Variants in MLLT10 observed in about 807,000 individuals in gnomAD.
MLLT10 encodes MLLT10 histone lysine methyltransferase DOT1L cofactor.
In MLLT10, 30 loss-of-function variants were observed where a neutral mutation model predicts 129.1. That is an observed-to-expected ratio of 0.23 (90% confidence interval 0.17 to 0.32). The LOEUF (loss-of-function observed/expected upper bound fraction) is 0.32. MLLT10 is among the 10% of genes least tolerant of loss of function. The pLI is 1.00. For synonymous variants in MLLT10, 490 were observed against 446.4 expected, an observed-to-expected ratio of 1.10 and a Z score of -1.23; for missense variants, 1,119 against 1,268.3, an observed-to-expected ratio of 0.88 and a Z score of 1.79.
At position 21,734,022 on chromosome 10, in the gene MLLT10, TG is replaced by T; in HGVS notation, c.2755del (p.Val919LeufsTer32). On this transcript the variant is annotated frameshift_variant, in exon 20 of 23. Coordinates refer to ENST00000307729, the MANE Select transcript of MLLT10 (RefSeq NM_001195626.3). LOFTEE classifies it high-confidence loss of function. ...TTAATGGCATTGTAGGAGCTTTAAATGGGGTTATGCAGACTCCTGTCACAAT... is the reference window on the plus strand; with the variant it reads ...TTAATGGCATTGTAGGAGCTTTAAATGGGTTATGCAGACTCCTGTCACAAT... ...AINGIVGALN[G>X]VMQTPVTMSQ... 6.2e-7 allele frequency: 1 copy of T among 1,614,192 alleles called. No individual in the cohort carries two copies. Among genetic ancestry groups the T allele is most frequent in the Non-Finnish European group, 8.5e-7 (1 of 1,180,026 alleles).
intron 4 of MLLT10, among the ~76,000 whole-genome samples, chr10:21,590,218 G>A (rs879501599): frequency 6.6e-6 from 1 of 152,194 alleles, no homozygotes; most frequent in Non-Finnish European, 1.5e-5. Context: ...TGGGGTTACA[G>A]GCTTGAGCCC....
chr10:21,696,885 A>G (rs993079153), intron 13 of MLLT10, among the ~76,000 whole-genome samples: 2 of 152,096 alleles, frequency 1.3e-5, no homozygotes, highest in Non-Finnish European at 2.9e-5. Context: ...GTGATCTTAT[A>G]AAAACATAAT....
intron 10 of MLLT10, 32 bp from the exon 11 acceptor site, chr10:21,673,318 C>CCAGTTTTT: frequency 3.3e-6 from 1 of 307,342 alleles, no homozygotes; most frequent in East Asian, 7.1e-5. Context: ...CACCCCCCAA[C>CCAGTTTTT]TTTTTTTTTT....
intron 8 of MLLT10, among the ~76,000 whole-genome samples, chr10:21,627,356 ATAAAT>A (rs2046558819): frequency 1.3e-5 from 2 of 152,346 alleles, no homozygotes; most frequent in Admixed American, 1.3e-4. Context: ...ATCAAAATCA[ATAAAT>A]TAATATTGTT....
At chr10:21,673,311 C>A in intron 10 of MLLT10, 39 bp from the exon 11 acceptor site, 1 of 643,404 alleles carries the variant, frequency 1.6e-6, no homozygotes, top group Non-Finnish European at 2.2e-6. Context: ...TCCCCCCCAC[C>A]CCCCAACTTT....
intron 9 of MLLT10, among the ~76,000 whole-genome samples, chr10:21,657,179 G>A (rs1281060545): frequency 1.3e-5 from 2 of 151,840 alleles, no homozygotes; most frequent in Non-Finnish European, 2.9e-5. Flanking sequence ...ATCATTTGAG[G>A]CCAGGAGTTT....
chr10:21,676,875 G>A (rs2052217662), intron 11 of MLLT10, among the ~76,000 whole-genome samples: 1 of 151,716 alleles, frequency 6.6e-6, no homozygotes. Context: ...AGGACTTAGT[G>A]CAGAACATTT....
chr10:21,632,765 T>C (rs1443851558), intron 8 of MLLT10, among the ~76,000 whole-genome samples: 10 of 152,194 alleles, frequency 6.6e-5, no homozygotes, highest in Admixed American at 4.6e-4. Flanking sequence ...GAGAGTGTTA[T>C]AGTAGATAGA....
chr10:21,591,099 C>T (rs1187206189), intron 4 of MLLT10, among the ~76,000 whole-genome samples: 2 of 151,950 alleles, frequency 1.3e-5, no homozygotes, highest in Non-Finnish European at 1.5e-5. Flanking sequence ...AGTTTGTCAC[C>T]CAGGCTGGAG....
chr10:21,643,857 C>T (rs1232556991), intron 8 of MLLT10, among the ~76,000 whole-genome samples: 1 of 152,112 alleles, frequency 6.6e-6, no homozygotes, highest in Non-Finnish European at 1.5e-5. Context: ...GAATTCTCTG[C>T]TTCAGGGATA....
At chr10:21,552,767 C>T (rs760075897) in intron 3 of MLLT10, among the ~76,000 whole-genome samples, 10 of 151,990 alleles carry the variant, frequency 6.6e-5, no homozygotes, top group Non-Finnish European at 7.4e-5. Context: ...CCTTTCCTTC[C>T]TTTTATCTTC....
intron 5 of MLLT10, among the ~76,000 whole-genome samples, chr10:21,611,309 A>T (rs2044630519): frequency 6.6e-6 from 1 of 151,684 alleles, no homozygotes; most frequent in African/African-American, 2.4e-5. Flanking sequence ...ACGCCCAGAG[A>T]ATCCTAGGTT....
chr10:21,666,628 A>C (rs1192353834), intron 9 of MLLT10, among the ~76,000 whole-genome samples: 2 of 151,560 alleles, frequency 1.3e-5, no homozygotes, highest in Non-Finnish European at 2.9e-5. Context: ...GCACTACTGC[A>C]CTCCAGCCTG....
chr10:21,591,651 T>C (rs2042516620), intron 4 of MLLT10, among the ~76,000 whole-genome samples: 1 of 152,186 alleles, frequency 6.6e-6, no homozygotes. Flanking sequence ...GTATTTATAT[T>C]TATCTATATA....
chr10:21,737,822 C>T (rs1281221965), intron 21 of MLLT10, among the ~76,000 whole-genome samples: 1 of 152,128 alleles, frequency 6.6e-6, no homozygotes, highest in East Asian at 1.9e-4. Context: ...GCTTAATTAA[C>T]ATAGAAATTA....
At chr10:21,543,774 C>A (rs532510540) in intron 3 of MLLT10, among the ~76,000 whole-genome samples, 3 of 152,104 alleles carry the variant, frequency 2.0e-5, no homozygotes, top group Non-Finnish European at 4.4e-5. Flanking sequence ...CCACTATGCC[C>A]GGTCTGTAGT....
At chr10:21,735,709 C>T (rs191348417) in intron 21 of MLLT10, among the ~76,000 whole-genome samples, 108 of 152,132 alleles carry the variant, frequency 7.1e-4, no homozygotes, top group Admixed American at 2.1e-3. Flanking sequence ...CTTGAGGGAA[C>T]GCAGAGAGAA....
At chr10:21,642,835 G>A (rs886556978) in intron 8 of MLLT10, among the ~76,000 whole-genome samples, 12 of 152,202 alleles carry the variant, frequency 7.9e-5, no homozygotes, top group Middle Eastern at 3.4e-3. Flanking sequence ...GACATGAGAA[G>A]GTGATCATGA....
rs1389722803 is a variant in MLLT10 at position 21,742,261 on chromosome 10, AAT to A, written c.*281_*282del. 3.9e-5 allele frequency: 14 copies of A among 361,696 alleles called. No homozygotes were observed. Among genetic ancestry groups the A allele is most frequent in the African/African-American group, 1.0e-4 (5 of 48,156 alleles). The allele number at this position is 361,696 out of a possible 1,614,324, so 22.4% of individuals were successfully genotyped here. A position where few individuals can be genotyped will look rare whatever the true frequency, so the allele number is the denominator to read the frequency against. On this transcript the variant is annotated 3_prime_UTR_variant, in exon 23 of 23. Transcript: ENST00000307729. ...TTTTAAAGTGACATAATTTACATGC[AAT>A]ATGTTTATCAACTCAAGAATTTAAT... is the stretch of plus-strand genomic sequence containing the variant.
Sources: allele counts gnomAD v4.1 joint callset (sites outside exome capture counted in the v4.1 genomes callset), GRCh38; gene constraint gnomAD v4.1.1; transcripts MANE v1.5; gene names NCBI Gene and HGNC (gene_info 2026-07-23, HGNC 2026-07-21).